Variants in MTMR12 observed in about 807,000 individuals in gnomAD.
MTMR12 encodes the protein myotubularin-related protein 12.
In MTMR12, 33 loss-of-function variants were observed where a neutral mutation model predicts 96.7. The observed-to-expected ratio is 0.34, with a 90% CI of 0.26 to 0.46. The LOEUF is 0.46. MTMR12 is among the 20% of genes least tolerant of loss of function. MTMR12 has a pLI of 1.00. For missense variants in MTMR12, 721 were observed against 896.1 expected, an observed-to-expected ratio of 0.80 and a Z score of 2.49; for synonymous variants, 298 against 327.2, an observed-to-expected ratio of 0.91 and a Z score of 0.96.
intron 7 of MTMR12, among the ~76,000 whole-genome samples, chr5:32,258,863 G>A (rs1378459809): frequency 7.6e-6 from 1 of 131,308 alleles, no homozygotes; most frequent in Non-Finnish European, 1.6e-5. Context: ...ATTTTACACT[G>A]TTAGTTCATC....
At chr5:32,282,370 G>A (rs916508460) in intron 1 of MTMR12, among the ~76,000 whole-genome samples, 6 of 151,550 alleles carry the variant, frequency 4.0e-5, no homozygotes, top group African/African-American at 1.5e-4. Flanking sequence ...ACAGTGAGCC[G>A]AGATTGTGCC....
intron 1 of MTMR12, among the ~76,000 whole-genome samples, chr5:32,282,847 G>C (rs536194811): frequency 6.6e-6 from 1 of 152,128 alleles, no homozygotes; most frequent in Admixed American, 6.5e-5. Context: ...TTTCACAATC[G>C]CTTTTTGAAC....
intron 6 of MTMR12, among the ~76,000 whole-genome samples, chr5:32,266,312 C>T (rs2112069595): frequency 6.6e-6 from 1 of 152,316 alleles, no homozygotes; most frequent in Middle Eastern, 3.4e-3. Flanking sequence ...GCAGTCAATA[C>T]ATATTTACTA....
intron 7 of MTMR12, among the ~76,000 whole-genome samples, chr5:32,259,091 ACAAG>A (rs1396139871): frequency 6.6e-6 from 1 of 152,166 alleles, no homozygotes. Flanking sequence ...CCCATTGGAC[ACAAG>A]CAATCAATCC....
intron 1 of MTMR12, among the ~76,000 whole-genome samples, chr5:32,297,003 T>A (rs1009825737): frequency 3.3e-5 from 5 of 150,060 alleles, no homozygotes; most frequent in African/African-American, 9.9e-5. Flanking sequence ...CTTGGGAGGC[T>A]GAGGCAGGAG....
rs1554053464 is a variant in MTMR12 at position 32,228,617 on chromosome 5, G to GTGATAT, written c.*1160_*1161insATATCA. Reference sequence around the variant, plus strand: ...ATATATATATATATATCATATATATGATATATATATATCACATATATATCA... The same window carrying GTGATAT: ...ATATATATATATATATCATATATATGTGATATATATATATATATCACATATATATCA... On this transcript the variant is annotated 3_prime_UTR_variant, in exon 16 of 16. Transcript: ENST00000382142. 4 of 87,358 alleles carry GTGATAT rather than the reference G, an allele frequency of 4.6e-5. No individual in the cohort carries two copies. Among genetic ancestry groups the GTGATAT allele is most frequent in the Non-Finnish European group, 7.5e-5 (3 of 40,036 alleles). 5.4% of individuals were successfully genotyped at this position (87,358 alleles called of 1,614,324 possible). A position where few individuals can be genotyped will look rare whatever the true frequency, so the allele number is the denominator to read the frequency against.
At chr5:32,296,265 G>A (rs868498029) in intron 1 of MTMR12, 1 of 156,280 alleles carries the variant, frequency 6.4e-6, no homozygotes, top group Middle Eastern at 3.2e-3. Flanking sequence ...GATCTCTTGA[G>A]CCCAGGAGTT....
At chr5:32,276,781 G>A (rs777971904) in intron 1 of MTMR12, 39 bp from the exon 2 acceptor site, 23 of 1,537,430 alleles carry the variant, frequency 1.5e-5, no homozygotes, top group Non-Finnish European at 8.9e-7. Flanking sequence ...CTTTGTTTAA[G>A]GGTTTAAAAT....
At chr5:32,245,933 C>T (rs942649513) in intron 10 of MTMR12, among the ~76,000 whole-genome samples, 3 of 152,138 alleles carry the variant, frequency 2.0e-5, no homozygotes, top group Non-Finnish European at 4.4e-5. Context: ...ATGACCTTTG[C>T]TCTTGACATA....
chr5:32,297,726 A>G (rs936467692), intron 1 of MTMR12, among the ~76,000 whole-genome samples: 6 of 152,182 alleles, frequency 3.9e-5, no homozygotes, highest in Non-Finnish European at 7.3e-5. Flanking sequence ...AACAATCCCA[A>G]TACCTCATTA....
chr5:32,306,525 G>C (rs904038288), intron 1 of MTMR12, among the ~76,000 whole-genome samples: 5 of 151,886 alleles, frequency 3.3e-5, no homozygotes, highest in Non-Finnish European at 7.4e-5. Context: ...TTTCCTGAGG[G>C]ATAAATGAAA....
chr5:32,263,196 G>A lies in MTMR12; in HGVS notation c.630C>T (p.Asp210=). ...NHTVMFDTLK[D]WCWELERTKG... ...TGGTCCGTTCCAGTTCCCAACACCA[G>A]TCCTTAAGTGTGTCAAACATTACGG... The change falls in exon 7 of 16, where the codon GAC becomes GAT. Residue 210 remains aspartate (D), a synonymous_variant. Coordinates refer to ENST00000382142, the MANE Select transcript of MTMR12 (RefSeq NM_001040446.3). The A allele has an allele frequency of 6.2e-7, 1 of 1,614,122 alleles. No individual in the cohort carries two copies. The highest frequency in any genetic ancestry group is 1.1e-5 in the South Asian group (1 of 91,080).
At chr5:32,238,143 CAAAAAAAA>C (rs746835069) in intron 13 of MTMR12, among the ~76,000 whole-genome samples, 2 of 58,974 alleles carry the variant, frequency 3.4e-5, no homozygotes, top group South Asian at 9.2e-4. Flanking sequence ...GACTCCGTCT[CAAAAAAAA>C]AAAAAAAAAA....
At chr5:32,273,552 T>C (rs1036184215) in intron 3 of MTMR12, among the ~76,000 whole-genome samples, 2 of 152,084 alleles carry the variant, frequency 1.3e-5, no homozygotes, top group African/African-American at 4.8e-5. Flanking sequence ...GTGATATATA[T>C]TGCACTGAAA....
At chr5:32,296,445 T>TTG (rs1421250684) in intron 1 of MTMR12, 2 of 354,082 alleles carry the variant, frequency 5.6e-6, no homozygotes, top group Admixed American at 5.7e-5. Context: ...CACCACTGCA[T>TTG]TCCAGTCTGG....
intron 10 of MTMR12, among the ~76,000 whole-genome samples, chr5:32,244,292 G>GA (rs61038640): frequency 0.032 from 3,258 of 101,826 alleles, 42 homozygotes; most frequent in Non-Finnish European, 0.038. Flanking sequence ...AAAATGAAAA[G>GA]AAAAAAAAAA....
chr5:32,264,752 C>T (rs1469651365), intron 6 of MTMR12, among the ~76,000 whole-genome samples: 2 of 152,150 alleles, frequency 1.3e-5, no homozygotes, highest in Non-Finnish European at 2.9e-5. Flanking sequence ...CAACACCACA[C>T]CCAGCCTATA....
At chr5:32,238,014 C>T (rs1748305358) in intron 13 of MTMR12, among the ~76,000 whole-genome samples, 2 of 151,610 alleles carry the variant, frequency 1.3e-5, no homozygotes, top group South Asian at 4.2e-4. Context: ...CATGGTAGCG[C>T]ACACCTGTAA....
chr5:32,281,188 C>T (rs967331926), intron 1 of MTMR12, among the ~76,000 whole-genome samples: 1 of 145,692 alleles, frequency 6.9e-6, no homozygotes, highest in African/African-American at 2.5e-5. Context: ...GTGGAGGTTG[C>T]AGTGAGCTGA....
Sources: gnomAD v4.1 joint callset for allele counts (sites outside exome capture counted in the v4.1 genomes callset) on GRCh38, gnomAD v4.1.1 for gene constraint, MANE v1.5 for transcripts, NCBI Gene and HGNC (gene_info 2026-07-23, HGNC 2026-07-21) for gene names.